The following AFF4 variants were observed in gnomAD, a reference collection of about 807,000 sequenced individuals.
AFF4 encodes the protein ALF transcription elongation factor 4.
AFF4 carries 13 observed loss-of-function variants against 124.8 expected under a neutral mutation model. The observed-to-expected ratio is 0.10, with a 90% CI of 0.07 to 0.17. The LOEUF (loss-of-function observed/expected upper bound fraction) is 0.17, where lower values mean the gene tolerates loss of function less well. Ranked by LOEUF, AFF4 falls within the 10% of genes least tolerant of loss-of-function variation. The pLI is 1.00. For missense variants in AFF4, 1,092 were observed against 1,403.8 expected, an observed-to-expected ratio of 0.78 and a Z score of 3.55; for synonymous variants, 477 against 496.1, an observed-to-expected ratio of 0.96 and a Z score of 0.51.
chr5:132,930,504 G>T (rs1761273860), intron 4 of AFF4, among the ~76,000 whole-genome samples: 1 of 152,102 alleles, frequency 6.6e-6, no homozygotes, highest in Non-Finnish European at 1.5e-5. Context: ...AGAGAAACAG[G>T]TTCAGCAAAA....
chr5:132,946,898 T>C (rs1761709983), intron 1 of AFF4, among the ~76,000 whole-genome samples: 1 of 152,162 alleles, frequency 6.6e-6, no homozygotes, highest in Non-Finnish European at 1.5e-5. Flanking sequence ...ACATTAGTTA[T>C]AAAACATTTT....
chr5:132,896,248 T>G, intron 11 of AFF4, 75 bp downstream of exon 11: 1 of 1,497,990 alleles, frequency 6.7e-7, no homozygotes, highest in South Asian at 1.4e-5. Flanking sequence ...CCTTGTTACT[T>G]TGTGGCTTAC....
At chr5:132,906,510 C>A (rs1760674814) in intron 5 of AFF4, among the ~76,000 whole-genome samples, 2 of 152,164 alleles carry the variant, frequency 1.3e-5, no homozygotes, top group South Asian at 4.1e-4. Context: ...AATATAGTCA[C>A]AAAAGACCAC....
intron 1 of AFF4, among the ~76,000 whole-genome samples, chr5:132,959,569 A>C (rs1762034667): frequency 6.6e-6 from 1 of 152,116 alleles, no homozygotes; most frequent in South Asian, 2.1e-4. Context: ...TCTGTGCCCC[A>C]GTATCGTTAA....
In AFF4 at chr5:132,886,398, C is replaced by T. The variant is rs746618863; in HGVS notation, c.3011G>A (p.Arg1004Gln). ...CCTCAGGTACAGCAAAGACTCGCAT[C>T]GCAGGCTAGCCAATGGAAAAGGGCG... ...ADKRLTVLCLRCESLLYLRLF... is the reference protein window; with the variant it reads ...ADKRLTVLCLQCESLLYLRLF... The change falls in exon 18 of 21, where the codon CGA (arginine) becomes CAA (glutamine). Residue 1004 changes from arginine (R) to glutamine (Q), a missense_variant. Arg to Gln is a conservative substitution (Grantham distance 43). Around this residue, in one of 11 missense-constraint regions of AFF4, gnomAD observed 173 missense variants for 294.9 expected, o/e 0.59. Coordinates refer to ENST00000265343, the MANE Select transcript of AFF4 (RefSeq NM_014423.4). 5 of 1,613,852 alleles carry T rather than the reference C, an allele frequency of 3.1e-6. No individual in the cohort carries two copies. The highest frequency in any genetic ancestry group is 1.7e-4 in the Middle Eastern group (1 of 5,938).
chr5:132,899,503 A>G, intron 8 of AFF4, 84 bp downstream of exon 8: 1 of 1,212,428 alleles, frequency 8.2e-7, no homozygotes, highest in African/African-American at 1.5e-5. Context: ...TTTAAGTAAT[A>G]AATGCATTAT....
At chr5:132,900,284 C>T (rs775823765) in intron 7 of AFF4, among the ~76,000 whole-genome samples, 2 of 152,080 alleles carry the variant, frequency 1.3e-5, no homozygotes, top group Non-Finnish European at 2.9e-5. Context: ...TGGCTGGGTG[C>T]GGTGGCTCAT....
At position 132,896,597 on chromosome 5, in the gene AFF4, G is replaced by A. The variant is rs572126510; in HGVS notation, c.2033C>T (p.Pro678Leu). The change falls in exon 11 of 21, where the codon CCC (proline) becomes CTC (leucine). Residue 678 changes from proline to leucine, a missense_variant. By Grantham distance (98) the Pro-to-Leu change is moderately conservative (BLOSUM62 -3). Transcript: ENST00000265343. Reference sequence around the variant, plus strand: ...GCTATCTTCTTCCTCCACTGAGGAGGGTTTAACAGGAGTCCTATTGCTCTC... The same window carrying A: ...GCTATCTTCTTCCTCCACTGAGGAGAGTTTAACAGGAGTCCTATTGCTCTC... Reference protein sequence around the residue: ...YPESNRTPVKPSSVEEEDSFF... With the variant: ...YPESNRTPVKLSSVEEEDSFF... 44 of 1,614,018 alleles carry A rather than the reference G, an allele frequency of 2.7e-5. 1 individual carries two copies. The South Asian group carries it at 3.3e-4, about 12-fold the overall frequency.
At chr5:132,884,245 T>C (rs1168137332) in intron 19 of AFF4, among the ~76,000 whole-genome samples, 4 of 152,186 alleles carry the variant, frequency 2.6e-5, no homozygotes, top group Non-Finnish European at 5.9e-5. Context: ...TATACACATA[T>C]ATACATATTT....
chr5:132,942,605 C>T (rs1205707026), intron 1 of AFF4, among the ~76,000 whole-genome samples: 1 of 151,960 alleles, frequency 6.6e-6, no homozygotes, highest in Non-Finnish European at 1.5e-5. Flanking sequence ...GCTGGGATTA[C>T]AGGCATGCGC....
chr5:132,923,121 G>C (rs1226663750), intron 5 of AFF4, among the ~76,000 whole-genome samples: 1 of 150,216 alleles, frequency 6.7e-6, no homozygotes, highest in Non-Finnish European at 1.5e-5. Flanking sequence ...GGCTGCAGTG[G>C]GCCAAGATTG....
intron 4 of AFF4, among the ~76,000 whole-genome samples, chr5:132,931,307 T>C (rs888843227): frequency 4.6e-5 from 7 of 152,010 alleles, no homozygotes; most frequent in Non-Finnish European, 7.4e-5. Context: ...TGGGCACCTG[T>C]AATCCCAGCT....
intron 5 of AFF4, among the ~76,000 whole-genome samples, chr5:132,916,913 GTTTTTTGTTT>G (rs1449059108): frequency 1.3e-5 from 2 of 151,774 alleles, no homozygotes; most frequent in Non-Finnish European, 1.5e-5. Context: ...TTTAACCAAC[GTTTTTTGTTT>G]TTTTTTGTTT....
At chr5:132,906,489 T>A (rs530050146) in intron 5 of AFF4, among the ~76,000 whole-genome samples, 1 of 152,278 alleles carries the variant, frequency 6.6e-6, no homozygotes, top group South Asian at 2.1e-4. Flanking sequence ...AAACATAATG[T>A]TAAGTGAAAG....
intron 4 of AFF4, among the ~76,000 whole-genome samples, chr5:132,931,033 C>T (rs35913309): frequency 0.16 from 22,527 of 143,648 alleles, 2,336 homozygotes; most frequent in East Asian, 0.47. Flanking sequence ...CTTGAACCTG[C>T]GAGGCGGAGG....
At chr5:132,908,776 A>ATATATTTTT (rs375891983) in intron 5 of AFF4, among the ~76,000 whole-genome samples, 3 of 114,920 alleles carry the variant, frequency 2.6e-5, no homozygotes, top group Admixed American at 9.2e-5. Flanking sequence ...ATATATATAT[A>ATATATTTTT]TTTTTTTTTT....
rs1759858617 is a variant in AFF4 at position 132,877,191 on chromosome 5, G to A, written c.*3868C>T. On this transcript the variant is annotated 3_prime_UTR_variant, in exon 21 of 21. Transcript: ENST00000265343. ...CAGTCATCCCCAGTAGATGTTCCTG[G>A]GACCCAGACACAAACTCCTATAAAT... is the stretch of plus-strand genomic sequence containing the variant. 4.8e-6 allele frequency: 1 copy of A among 207,722 alleles called. No homozygotes were observed. Among genetic ancestry groups the A allele is most frequent in the South Asian group, 1.9e-4 (1 of 5,206 alleles). The allele number at this position is 207,722 out of a possible 1,614,324, so 12.9% of individuals were successfully genotyped here.
chr5:132,915,545 T>A, intron 5 of AFF4, among the ~76,000 whole-genome samples: 1 of 148,330 alleles, frequency 6.7e-6, no homozygotes, highest in Non-Finnish European at 1.5e-5. Context: ...TATACTGCAC[T>A]TTGACCCACT....
In AFF4 at chr5:132,934,357, T is replaced by C. The variant is rs776409742; in HGVS notation, c.708A>G (p.Gln236=). 64 of 1,613,888 alleles carry C rather than the reference T, an allele frequency of 4.0e-5. No individual in the cohort carries two copies. The highest frequency in any genetic ancestry group is 3.0e-5 in the Non-Finnish European group (35 of 1,180,022). Reference sequence around the variant, plus strand: ...TTGACATCAATGAGGGTGGGAAAGATTGAGTTGAGTGCTGCCCACTTGAAA... The same window carrying C: ...TTGACATCAATGAGGGTGGGAAAGACTGAGTTGAGTGCTGCCCACTTGAAA... ...VPFSSGQHST[Q]SFPPSLMSKS... is the part of the protein sequence containing the mutation. The change falls in exon 3 of 21, where the codon CAA becomes CAG. Residue 236 remains glutamine, a synonymous_variant. Coordinates refer to ENST00000265343, the MANE Select transcript of AFF4 (RefSeq NM_014423.4).
Sources: allele counts gnomAD v4.1 joint callset (sites outside exome capture counted in the v4.1 genomes callset), GRCh38; gene constraint gnomAD v4.1.1; regional missense constraint gnomAD v4.1.1; transcripts MANE v1.5; gene names NCBI Gene and HGNC (gene_info 2026-07-23, HGNC 2026-07-21).